The following SUGCT variants were observed in gnomAD, a reference collection of about 807,000 sequenced individuals.
SUGCT encodes the protein succinyl-CoA:glutarate-CoA transferase.
SUGCT carries 41 observed loss-of-function variants against 55.0 expected under a neutral mutation model. That is an observed-to-expected ratio of 0.74 (90% confidence interval 0.58 to 0.97). The LOEUF (loss-of-function observed/expected upper bound fraction) is 0.97. Ranked by LOEUF, SUGCT falls within the 50% of genes least tolerant of loss-of-function variation. The pLI, the probability that SUGCT is intolerant of heterozygous loss-of-function variation, is 0.00. For synonymous variants in SUGCT, 187 were observed against 200.4 expected, an observed-to-expected ratio of 0.93 and a Z score of 0.56; for missense variants, 568 against 547.8, an observed-to-expected ratio of 1.04 and a Z score of -0.37.
the SUGCT span, among the ~76,000 whole-genome samples, chr7:41,024,062 GTGAACTT>G: frequency 6.6e-6 from 1 of 152,196 alleles, no homozygotes; most frequent in African/African-American, 2.4e-5. Flanking sequence ...ATGCATGTAT[GTGAACTT>G]GATAGATGCC....
intron 12 of SUGCT, among the ~76,000 whole-genome samples, chr7:40,741,247 G>A (rs1420800158): frequency 4.0e-5 from 6 of 151,774 alleles, no homozygotes; most frequent in African/African-American, 1.5e-4. Flanking sequence ...ACTCCAGCCT[G>A]GGTGATAAAG....
chr7:40,422,407 T>C (rs1298031685), intron 9 of SUGCT, among the ~76,000 whole-genome samples: 1 of 152,240 alleles, frequency 6.6e-6, no homozygotes, highest in Non-Finnish European at 1.5e-5. Flanking sequence ...TGGAATCTTG[T>C]ATAAAAATTT....
At chr7:40,426,626 C>T (rs897057974) in intron 9 of SUGCT, among the ~76,000 whole-genome samples, 1 of 152,120 alleles carries the variant, frequency 6.6e-6, no homozygotes, top group Non-Finnish European at 1.5e-5. Context: ...AGATGGAAGA[C>T]AGCCACACTG....
intron 12 of SUGCT, among the ~76,000 whole-genome samples, chr7:40,512,574 T>A (rs1278262341): frequency 6.6e-6 from 1 of 152,216 alleles, no homozygotes; most frequent in Non-Finnish European, 1.5e-5. Flanking sequence ...AAATATTTAT[T>A]TATTTTAATG....
intron 12 of SUGCT, among the ~76,000 whole-genome samples, chr7:40,664,590 C>T (rs1801506493): frequency 6.6e-6 from 1 of 152,168 alleles, no homozygotes; most frequent in African/African-American, 2.4e-5. Flanking sequence ...GAAACAAAGT[C>T]CTCCACTGAA....
intron 12 of SUGCT, among the ~76,000 whole-genome samples, chr7:40,564,169 C>T (rs890919300): frequency 6.6e-5 from 10 of 152,100 alleles, no homozygotes; most frequent in African/African-American, 2.4e-4. Flanking sequence ...GTCAGGAGAT[C>T]GAGACCATCT....
At chr7:41,004,379 A>G in the SUGCT span, among the ~76,000 whole-genome samples, 1 of 152,234 alleles carries the variant, frequency 6.6e-6, no homozygotes, top group Non-Finnish European at 1.5e-5. Flanking sequence ...GGCAAAGTGA[A>G]GGCAGGCGTA....
intron 12 of SUGCT, among the ~76,000 whole-genome samples, chr7:40,553,491 A>G (rs1795406822): frequency 6.6e-6 from 1 of 152,184 alleles, no homozygotes; most frequent in East Asian, 1.9e-4. Flanking sequence ...TATTTTTTAT[A>G]ATAATATATG....
At chr7:40,282,867 A>G (rs1793063893) in intron 8 of SUGCT, among the ~76,000 whole-genome samples, 1 of 152,180 alleles carries the variant, frequency 6.6e-6, no homozygotes, top group African/African-American at 2.4e-5. Context: ...CCCTATCTCT[A>G]AATGTAAATA....
At chr7:41,035,005 G>C in the SUGCT span, among the ~76,000 whole-genome samples, 1 of 152,166 alleles carries the variant, frequency 6.6e-6, no homozygotes, top group Admixed American at 6.5e-5. Flanking sequence ...CCAATGGTCT[G>C]AGAAGCACTT....
chr7:40,648,312 T>C (rs1800621669), intron 12 of SUGCT, among the ~76,000 whole-genome samples: 1 of 152,264 alleles, frequency 6.6e-6, no homozygotes, highest in Non-Finnish European at 1.5e-5. Flanking sequence ...ACATCACTGA[T>C]ATTTTTATGT....
At position 40,828,507 on chromosome 7, in the gene SUGCT, C is replaced by G. The variant is rs879443342; in HGVS notation, c.1154-31809C>G. ...GCTTCCAAAGCACCTTCATGTTGCT[C>G]TCTCTGCAAAGATTTTGTTTCCTCC... On this transcript the variant is annotated intron_variant, in intron 13 of 13. Transcript: ENST00000335693. 4.0e-5 allele frequency among the ~76,000 whole-genome samples: 6 copies of G among 150,294 alleles called. No homozygotes were observed. In the Admixed American group the frequency reaches 4.0e-4, roughly 10 times the overall value.
At chr7:40,311,049 G>T (rs989673639) in intron 8 of SUGCT, among the ~76,000 whole-genome samples, 6 of 151,858 alleles carry the variant, frequency 4.0e-5, no homozygotes, top group African/African-American at 1.5e-4. Flanking sequence ...TTTTCTTTTC[G>T]CTTCAATTAC....
At chr7:41,008,758 C>T in the SUGCT span, among the ~76,000 whole-genome samples, 1 of 151,970 alleles carries the variant, frequency 6.6e-6, no homozygotes, top group African/African-American at 2.4e-5. Context: ...GCGCCCTTCC[C>T]TGGGTCTGTT....
rs533655459 is a variant in SUGCT, at chr7:40,181,240, T to A, written c.152+242T>A. On this transcript the variant is annotated intron_variant, in intron 2 of 13. Coordinates refer to ENST00000335693, the MANE Select transcript of SUGCT (RefSeq NM_001193313.2). ...AACAAAAATTGGAACCATATTGAAA[T>A]TAGTTTTACCCATATTTTAAACACA... is the stretch of plus-strand genomic sequence containing the variant. Among the ~76,000 whole-genome samples, 13 of 152,260 alleles carry A rather than the reference T, an allele frequency of 8.5e-5. 1 individual carries two copies. The South Asian group carries it at 2.7e-3, about 32-fold the overall frequency.
At chr7:40,222,215 A>G (rs904229810) in intron 6 of SUGCT, among the ~76,000 whole-genome samples, 2 of 152,262 alleles carry the variant, frequency 1.3e-5, no homozygotes, top group Non-Finnish European at 2.9e-5. Context: ...AGATATCCCC[A>G]GTGATGGAGT....
chr7:40,895,926 C>G, the SUGCT span, among the ~76,000 whole-genome samples: 2 of 152,170 alleles, frequency 1.3e-5, no homozygotes, highest in South Asian at 2.1e-4. Flanking sequence ...AAACTTTTCC[C>G]CTAGGATTGG....
intron 12 of SUGCT, among the ~76,000 whole-genome samples, chr7:40,586,009 T>G (rs1468306929): frequency 1.3e-5 from 2 of 152,100 alleles, no homozygotes; most frequent in African/African-American, 4.8e-5. Flanking sequence ...CTTATTATTT[T>G]TTTTCTTTTA....
chr7:41,035,756 G>A, the SUGCT span, among the ~76,000 whole-genome samples: 1 of 152,164 alleles, frequency 6.6e-6, no homozygotes, highest in East Asian at 1.9e-4. Context: ...ATATCAGGAG[G>A]AGGGCAGCTT....
Sources: allele counts gnomAD v4.1 joint callset (sites outside exome capture counted in the v4.1 genomes callset), GRCh38; gene constraint gnomAD v4.1.1; transcripts MANE v1.5; gene names NCBI Gene and HGNC (gene_info 2026-07-23, HGNC 2026-07-21).